The following VPS13C variants were observed in gnomAD, a reference collection of about 807,000 sequenced individuals.
The protein encoded by VPS13C is intermembrane lipid transfer protein VPS13C.
In VPS13C, 358 loss-of-function variants were observed where a neutral mutation model predicts 456.8. The observed-to-expected ratio is 0.78, with a 90% CI of 0.72 to 0.86. The LOEUF is 0.86. Among genes scored for constraint, VPS13C ranks in the 40% least tolerant of loss-of-function variants. The probability of loss-of-function intolerance (pLI) is 0.00; values close to 1 mark genes in which losing one functional copy is unlikely to be tolerated. For synonymous variants in VPS13C, 1,578 were observed against 1,486.7 expected (o/e 1.06, Z -1.41); for missense variants, 4,818 against 4,385.4 (o/e 1.10, Z -2.79).
intron 16 of VPS13C, among the ~76,000 whole-genome samples, chr15:61,996,255 C>T (rs1596448536): frequency 2.0e-5 from 3 of 152,276 alleles, no homozygotes; most frequent in East Asian, 1.9e-4. Flanking sequence ...GTAATATTCA[C>T]GTGTAAAACA....
At chr15:61,952,569 TATCA>T (rs1376226286) in intron 38 of VPS13C, among the ~76,000 whole-genome samples, 4 of 152,202 alleles carry the variant, frequency 2.6e-5, no homozygotes, top group African/African-American at 9.6e-5. Flanking sequence ...ATGATTCATC[TATCA>T]ATGTTTCAAC....
intron 16 of VPS13C, among the ~76,000 whole-genome samples, chr15:61,993,529 A>G (rs1479678236): frequency 6.6e-6 from 1 of 152,144 alleles, no homozygotes. Flanking sequence ...AAGAAAGATA[A>G]AGCCATTATT....
At chr15:61,906,172 C>A (rs1566987761) in intron 66 of VPS13C, among the ~76,000 whole-genome samples, 1 of 152,118 alleles carries the variant, frequency 6.6e-6, no homozygotes, top group East Asian at 1.9e-4. Context: ...TCTTTGAACT[C>A]CCCTGTCATG....
intron 3 of VPS13C, among the ~76,000 whole-genome samples, chr15:62,039,460 G>C (rs2048170219): frequency 6.6e-6 from 1 of 151,606 alleles, no homozygotes; most frequent in African/African-American, 2.4e-5. Context: ...GGACAAGTAA[G>C]AGATAAGGAA....
At chr15:61,906,472 A>C (rs2043154640) in intron 66 of VPS13C, among the ~76,000 whole-genome samples, 1 of 152,198 alleles carries the variant, frequency 6.6e-6, no homozygotes, top group Non-Finnish European at 1.5e-5. Context: ...TCTAGTATCT[A>C]CATGCTACTT....
At chr15:61,866,538 T>C (rs1428871729) in intron 81 of VPS13C, 1 of 985,084 alleles carries the variant, frequency 1.0e-6, no homozygotes, top group Non-Finnish European at 1.2e-6. Flanking sequence ...TCAGGAAGGG[T>C]AACTATTGGA....
intron 16 of VPS13C, among the ~76,000 whole-genome samples, chr15:61,995,648 G>T (rs1316930382): frequency 6.6e-6 from 1 of 152,172 alleles, no homozygotes; most frequent in Non-Finnish European, 1.5e-5. Context: ...GAAGCTGAGG[G>T]CAGCTCTAGC....
At chr15:62,052,672 CAAAAAAA>C (rs35444089) in intron 1 of VPS13C, among the ~76,000 whole-genome samples, 2 of 70,542 alleles carry the variant, frequency 2.8e-5, no homozygotes, top group Admixed American at 1.6e-4. Flanking sequence ...GACTCCGTCT[CAAAAAAA>C]AAAAAAAAAA....
rs368321125 is a variant in VPS13C, at chr15:62,028,331, T to G, written c.448+27A>C. On this transcript the variant is annotated intron_variant, in intron 6 of 84. Coordinates refer to ENST00000644861, the MANE Select transcript of VPS13C (RefSeq NM_020821.3). ...ATACACAAGAATATGTTTATATAGT[T>G]GAATATAATTAACCATGCATACCCA... 10 of 1,610,288 alleles carry G rather than the reference T, an allele frequency of 6.2e-6. No homozygotes were observed. The African/African-American group carries it at 1.3e-4, about 22-fold the overall frequency.
intron 3 of VPS13C, among the ~76,000 whole-genome samples, chr15:62,039,161 T>G (rs549810023): frequency 6.6e-6 from 1 of 152,146 alleles, no homozygotes; most frequent in African/African-American, 2.4e-5. Flanking sequence ...CTAACCACAA[T>G]AGCAAAGTCA....
At chr15:61,942,228 G>T (rs572884672) in intron 45 of VPS13C, among the ~76,000 whole-genome samples, 161 bp from the exon 46 acceptor site, 2 of 151,870 alleles carry the variant, frequency 1.3e-5, no homozygotes, top group East Asian at 3.9e-4. Flanking sequence ...CATACACTCT[G>T]AGCTATTAAC....
chr15:62,001,861 T>C (rs1449125222), intron 15 of VPS13C, among the ~76,000 whole-genome samples: 1 of 152,384 alleles, frequency 6.6e-6, no homozygotes, highest in Non-Finnish European at 1.5e-5. Context: ...TCATTTTTTA[T>C]GACTGCATAG....
intron 69 of VPS13C, among the ~76,000 whole-genome samples, chr15:61,882,190 G>A (rs867843297): frequency 2.6e-5 from 4 of 152,090 alleles, no homozygotes; most frequent in Non-Finnish European, 5.9e-5. Flanking sequence ...AATTAAAGTA[G>A]CCTAAACAGT....
rs111864078 is a variant in VPS13C, at chr15:62,023,467, C to T, written c.568G>A (p.Val190Ile). Residue 190 changes from valine (V) to isoleucine (I), a missense_variant, in exon 8 of 85, where the codon GTA (valine) becomes ATA (isoleucine). By Grantham distance (29) the Val-to-Ile change is conservative (BLOSUM62 3). Transcript: ENST00000644861. ...DTFVEKLATQ[V>I]IKNVQVKITD... ...ATTTTTACTTGTACATTTTTTATTA[C>T]TTGAGTTGCCAATTTTTCCACAAAT... The T allele has an allele frequency of 4.4e-6, 7 of 1,584,742 alleles. No individual in the cohort carries two copies. In the African/African-American group the frequency reaches 8.2e-5, roughly 18 times the overall value.
intron 18 of VPS13C, among the ~76,000 whole-genome samples, chr15:61,990,187 GTA>G (rs1214267539): frequency 2.0e-5 from 3 of 152,092 alleles, no homozygotes; most frequent in Admixed American, 6.5e-5. Context: ...CAAAATAACA[GTA>G]TTGGTAGTAA....
chr15:62,053,760 T>C (rs1412459428), intron 1 of VPS13C, among the ~76,000 whole-genome samples: 3 of 152,214 alleles, frequency 2.0e-5, no homozygotes, highest in Non-Finnish European at 2.9e-5. Flanking sequence ...CCAGTGTTCA[T>C]TCTCCTTTCT....
intron 73 of VPS13C, among the ~76,000 whole-genome samples, chr15:61,880,390 G>T (rs1895758664): frequency 6.6e-6 from 1 of 152,004 alleles, no homozygotes; most frequent in African/African-American, 2.4e-5. Context: ...GAATAAGGGG[G>T]TTATTAATTC....
intron 2 of VPS13C, 64 bp from the exon 3 acceptor site, chr15:62,041,430 T>G: frequency 6.7e-7 from 1 of 1,491,322 alleles, no homozygotes. Flanking sequence ...AAAATCACTT[T>G]TGTGTGATCA....
chr15:61,972,849 G>A (rs2045596589), intron 26 of VPS13C, 85 bp from the exon 27 acceptor site: 1 of 1,385,892 alleles, frequency 7.2e-7, no homozygotes, highest in Non-Finnish European at 9.7e-7. Flanking sequence ...TCTAAAAAGT[G>A]AAATTCATTT....
Sources: allele counts gnomAD v4.1 joint callset (sites outside exome capture counted in the v4.1 genomes callset), GRCh38; gene constraint gnomAD v4.1.1; transcripts MANE v1.5; gene names NCBI Gene and HGNC (gene_info 2026-07-23, HGNC 2026-07-21).